NAA35: variants seen among roughly 807,000 people sequenced by gnomAD.
NAA35 encodes the protein MAK10 homolog, amino-acid N-acetyltransferase subunit.
In NAA35, 18 loss-of-function variants were observed where a neutral mutation model predicts 101.7. The ratio of observed to expected loss-of-function variants is 0.18; its 90% CI spans 0.12 to 0.26. The LOEUF is 0.26. NAA35 is among the 10% of genes least tolerant of loss of function. The pLI, the probability that NAA35 is intolerant of heterozygous loss-of-function variation, is 1.00. For synonymous variants in NAA35, 267 were observed against 273.1 expected (o/e 0.98, Z 0.22); for missense variants, 601 against 886.8 (o/e 0.68, Z 4.09).
Position 85,955,345 on chromosome 9 carries a change from TATA to T in NAA35, c.125-1014_125-1012del, listed in dbSNP as rs1156486695. Among the ~76,000 whole-genome samples the T allele has an allele frequency of 8.6e-4, 63 of 72,976 alleles. 3 individuals are homozygous for T. Among genetic ancestry groups the T allele is most frequent in the African/African-American group, 2.6e-3 (39 of 15,042 alleles). 47.9% of individuals were successfully genotyped at this position (72,976 alleles called of 152,430 possible). A position where few individuals can be genotyped will look rare whatever the true frequency, so the allele number is the denominator to read the frequency against. On this transcript the variant is annotated intron_variant, in intron 2 of 22. Coordinates refer to ENST00000361671, the MANE Select transcript of NAA35 (RefSeq NM_024635.4). ...CTATATACATATATATATATATATA[TATA>T]TATATATATATATTTTTTTTTTTTT...
At chr9:86,001,322 G>A (rs1831409348) in intron 12 of NAA35, among the ~76,000 whole-genome samples, 1 of 152,126 alleles carries the variant, frequency 6.6e-6, no homozygotes, top group Non-Finnish European at 1.5e-5. Context: ...CGATATTAGA[G>A]TATGTGCCAT....
At chr9:86,014,269 A>C in intron 17 of NAA35, 1 of 492,052 alleles carries the variant, frequency 2.0e-6, no homozygotes, top group Non-Finnish European at 2.6e-6. Flanking sequence ...TCTTCTTGGA[A>C]GAAATCATGA....
At chr9:86,012,395 A>G (rs1251070022) in intron 15 of NAA35, among the ~76,000 whole-genome samples, 1 of 152,206 alleles carries the variant, frequency 6.6e-6, no homozygotes, top group Admixed American at 6.5e-5. Context: ...GGGGTGAGCC[A>G]CTGTGCCCGA....
chr9:85,949,833 T>C lies in NAA35; in HGVS notation c.125-6527T>C, dbSNP rs143174530. 2.2e-3 allele frequency among the ~76,000 whole-genome samples: 335 copies of C among 152,122 alleles called. 1 individual carries two copies. The highest frequency in any genetic ancestry group is 7.7e-3 in the African/African-American group (318 of 41,504). ...CTTTAAAAAAAAAAAAACAGTATCA[T>C]GTTACTGTTAGTTCAGTTGTTTGGT... is the stretch of plus-strand genomic sequence containing the variant. On this transcript the variant is annotated intron_variant, in intron 2 of 22. Coordinates refer to ENST00000361671, the MANE Select transcript of NAA35 (RefSeq NM_024635.4).
Position 86,013,151 on chromosome 9 carries a change from G to A in NAA35, c.1389+7G>A. The A allele has an allele frequency of 3.2e-5, 50 of 1,564,172 alleles. No homozygotes were observed. The highest frequency in any genetic ancestry group is 4.4e-5 in the Non-Finnish European group (50 of 1,142,724). Reference sequence around the variant, plus strand: ...TGCCACCTTGCAGGATGAGGTAAGAGCCAGGTTCCCCTCTCTTCTAAAATT... The same window carrying A: ...TGCCACCTTGCAGGATGAGGTAAGAACCAGGTTCCCCTCTCTTCTAAAATT... On this transcript the variant is annotated splice_region_variant and intron_variant, in intron 16 of 22. Coordinates refer to ENST00000361671, the MANE Select transcript of NAA35 (RefSeq NM_024635.4).
intron 12 of NAA35, among the ~76,000 whole-genome samples, chr9:85,998,654 G>A (rs142733918): frequency 6.6e-6 from 1 of 152,048 alleles, no homozygotes; most frequent in East Asian, 1.9e-4. Flanking sequence ...TTTCTCTCCT[G>A]TACCCACTGA....
chr9:85,956,428 A>G, intron 3 of NAA35, 35 bp downstream of exon 3: 3 of 1,278,824 alleles, frequency 2.3e-6, no homozygotes, highest in Non-Finnish European at 3.2e-6. Context: ...GTGTAGTGTA[A>G]TGTTTCAGTC....
intron 2 of NAA35, among the ~76,000 whole-genome samples, chr9:85,947,215 G>C (rs1424966622): frequency 6.6e-6 from 1 of 152,024 alleles, no homozygotes; most frequent in Non-Finnish European, 1.5e-5. Context: ...TTATTATCTA[G>C]GTGATCTGGA....
At chr9:85,955,683 T>C (rs1287948585) in intron 2 of NAA35, among the ~76,000 whole-genome samples, 3 of 152,102 alleles carry the variant, frequency 2.0e-5, no homozygotes, top group Non-Finnish European at 4.4e-5. Flanking sequence ...TTTAATCTAC[T>C]TAGCATGTTA....
chr9:85,966,456 T>C (rs1228277446), intron 6 of NAA35: 1 of 284,638 alleles, frequency 3.5e-6, no homozygotes, highest in African/African-American at 2.2e-5. Flanking sequence ...AAGTTGCTTA[T>C]TTTATGAAGG....
intron 11 of NAA35, among the ~76,000 whole-genome samples, chr9:85,984,704 G>C (rs1242956942): frequency 1.3e-5 from 2 of 152,162 alleles, no homozygotes; most frequent in Non-Finnish European, 2.9e-5. Flanking sequence ...AGAATTGAGA[G>C]CCCAGAAATG....
In NAA35 at chr9:85,972,914, A is replaced by G. The variant is rs150788278; in HGVS notation, c.517-2053A>G. Among the ~76,000 whole-genome samples, 943 of 152,352 alleles carry G rather than the reference A, an allele frequency of 6.2e-3. 12 individuals are homozygous for G. The highest frequency in any genetic ancestry group is 0.022 in the African/African-American group (908 of 41,576). ...CTTTCTTGGGACAGATAGTCAATGT[A>G]TATGTAATTAAATACACATATAATG... On this transcript the variant is annotated intron_variant, in intron 6 of 22. Coordinates refer to ENST00000361671, the MANE Select transcript of NAA35 (RefSeq NM_024635.4).
chr9:85,963,244 T>C (rs1044540844), intron 6 of NAA35, among the ~76,000 whole-genome samples: 3 of 151,224 alleles, frequency 2.0e-5, no homozygotes, highest in Admixed American at 2.0e-4. Context: ...AATATGTTTG[T>C]CCATATTTGA....
chr9:85,946,434 A>T (rs1564283403), intron 2 of NAA35, among the ~76,000 whole-genome samples: 1 of 152,176 alleles, frequency 6.6e-6, no homozygotes, highest in Non-Finnish European at 1.5e-5. Flanking sequence ...TCCTGGGATG[A>T]TGGCACCAGT....
chr9:86,018,509 A>G, intron 20 of NAA35, 114 bp downstream of exon 20: 1 of 1,351,180 alleles, frequency 7.4e-7, no homozygotes, highest in Non-Finnish European at 1.0e-6. Flanking sequence ...TCATAAGAAT[A>G]ATATGAGGTA....
At chr9:85,948,149 G>A (rs954124) in intron 2 of NAA35, among the ~76,000 whole-genome samples, 50,752 of 152,014 alleles carry the variant, frequency 0.33, 11,644 homozygotes, top group African/African-American at 0.66. Flanking sequence ...GGCTGTATCT[G>A]TGGACTTAAC....
intron 13 of NAA35, among the ~76,000 whole-genome samples, chr9:86,006,915 AGTT>A (rs1831669672): frequency 6.6e-6 from 1 of 152,202 alleles, no homozygotes; most frequent in African/African-American, 2.4e-5. Context: ...ATTAAATGCA[AGTT>A]GTTTTAAATT....
chr9:85,954,942 G>T (rs911415975), intron 2 of NAA35, among the ~76,000 whole-genome samples: 11 of 152,054 alleles, frequency 7.2e-5, no homozygotes, highest in African/African-American at 1.9e-4. Context: ...GTTTGAGAGG[G>T]AGTCTCCTTC....
At chr9:85,968,730 A>G (rs995633803) in intron 6 of NAA35, among the ~76,000 whole-genome samples, 2 of 152,026 alleles carry the variant, frequency 1.3e-5, no homozygotes, top group African/African-American at 4.8e-5. Context: ...TAGCTTTGAT[A>G]TGTTAGATTA....
Sources: allele counts gnomAD v4.1 joint callset (sites outside exome capture counted in the v4.1 genomes callset), GRCh38; gene constraint gnomAD v4.1.1; transcripts MANE v1.5; gene names NCBI Gene and HGNC (gene_info 2026-07-23, HGNC 2026-07-21).